Variants in RIMBP2 observed in about 807,000 individuals in gnomAD.
RIMBP2 encodes RIMS-binding protein 2.
A neutral mutation model predicts 118.6 loss-of-function variants in RIMBP2; 48 were observed. The ratio of observed to expected loss-of-function variants is 0.40; its 90% CI spans 0.32 to 0.51. The LOEUF (loss-of-function observed/expected upper bound fraction) is 0.51. RIMBP2 is among the 20% of genes least tolerant of loss of function. The pLI, the probability that RIMBP2 is intolerant of heterozygous loss-of-function variation, is 0.41. For synonymous variants in RIMBP2, 762 were observed against 742.9 expected (o/e 1.03, Z -0.42); for missense variants, 1,551 against 1,768.3 (o/e 0.88, Z 2.20).
At chr12:130,706,621 A>G (rs925781436) in intron 1 of RIMBP2, among the ~76,000 whole-genome samples, 9 of 152,262 alleles carry the variant, frequency 5.9e-5, no homozygotes, top group Non-Finnish European at 1.2e-4. Flanking sequence ...TGCCCAGTGA[A>G]TCTTGGCTGC....
chr12:130,402,751 G>T (rs1328025791), intron 21 of RIMBP2, among the ~76,000 whole-genome samples: 1 of 152,288 alleles, frequency 6.6e-6, no homozygotes, highest in Middle Eastern at 3.4e-3. Flanking sequence ...AGTTTTCTCT[G>T]TGCCCCAGTC....
In RIMBP2 at chr12:130,653,081, A is replaced by C. The variant is rs190416585; in HGVS notation, c.-351-24625T>G. Among the ~76,000 whole-genome samples the C allele has an allele frequency of 2.0e-3, 308 of 152,250 alleles. 2 individuals are homozygous for C. The highest frequency in any genetic ancestry group is 4.8e-3 in the Admixed American group (74 of 15,294). On this transcript the variant is annotated intron_variant, in intron 1 of 22. Transcript: ENST00000690449. Reference sequence around the variant, plus strand: ...GTCCCCCAAATCTCATGTCCTTCTCATATTGCAAAATACAATCATGCCTTC... The same window carrying C: ...GTCCCCCAAATCTCATGTCCTTCTCCTATTGCAAAATACAATCATGCCTTC...
intron 4 of RIMBP2, among the ~76,000 whole-genome samples, chr12:130,494,738 T>A (rs2048982631): frequency 6.6e-6 from 1 of 152,154 alleles, no homozygotes; most frequent in Admixed American, 6.5e-5. Flanking sequence ...GTGTGCTGGT[T>A]ACTCAGGACA....
At chr12:130,638,764 TA>T (rs565601408) in intron 1 of RIMBP2, among the ~76,000 whole-genome samples, 225 of 144,794 alleles carry the variant, frequency 1.6e-3, no homozygotes, top group Admixed American at 1.4e-3. Flanking sequence ...TGGAGATCGT[TA>T]AAAAAAAAAA....
chr12:130,428,060 A>G, intron 15 of RIMBP2, 119 bp downstream of exon 15: 1 of 897,378 alleles, frequency 1.1e-6, no homozygotes, highest in Non-Finnish European at 1.6e-6. Flanking sequence ...TCCAAATCCG[A>G]GGGCTACTGG....
intron 17 of RIMBP2, among the ~76,000 whole-genome samples, chr12:130,416,557 A>G (rs1280321483): frequency 6.6e-6 from 1 of 152,240 alleles, no homozygotes; most frequent in Non-Finnish European, 1.5e-5. Context: ...ACCTTTTACC[A>G]TATACAAACA....
chr12:130,490,519 A>G (rs1475729169), intron 4 of RIMBP2, among the ~76,000 whole-genome samples: 1 of 152,198 alleles, frequency 6.6e-6, no homozygotes, highest in East Asian at 1.9e-4. Context: ...ATGAATCAGC[A>G]GCAGAAGTAT....
rs1275060784 is a variant in RIMBP2 at position 130,436,739 on chromosome 12, AG to A, written c.2106+102del. ...GCTGAGCGCGGCCCCCCTCCCTGCA[AG>A]CTGGGATGCGGGTCCCCCTCCATGG... On this transcript the variant is annotated intron_variant, in intron 13 of 22. Coordinates refer to ENST00000690449, the MANE Select transcript of RIMBP2 (RefSeq NM_001393629.1). 11 of 981,570 alleles carry A rather than the reference AG, an allele frequency of 1.1e-5. No homozygotes were observed. In the African/African-American group the frequency reaches 1.7e-4, roughly 15 times the overall value. 60.8% of individuals were successfully genotyped at this position (981,570 alleles called of 1,614,324 possible).
intron 2 of RIMBP2, among the ~76,000 whole-genome samples, chr12:130,603,150 T>C (rs2059968418): frequency 6.6e-6 from 1 of 152,220 alleles, no homozygotes; most frequent in Non-Finnish European, 1.5e-5. Context: ...TGGCCATCAC[T>C]AGCCATCCAG....
intron 3 of RIMBP2, among the ~76,000 whole-genome samples, chr12:130,517,174 T>TCA (rs1274351790): frequency 6.6e-6 from 1 of 152,046 alleles, no homozygotes; most frequent in African/African-American, 2.4e-5. Context: ...AATGGACCAG[T>TCA]GGGTTATCAG....
At chr12:130,652,393 T>G (rs148069225) in intron 1 of RIMBP2, among the ~76,000 whole-genome samples, 297 of 152,360 alleles carry the variant, frequency 1.9e-3, no homozygotes, top group African/African-American at 6.9e-3. Flanking sequence ...CCAAAAAAGT[T>G]TGCCAACCCT....
intron 1 of RIMBP2, among the ~76,000 whole-genome samples, chr12:130,706,126 G>A (rs2066105651): frequency 1.3e-5 from 2 of 152,180 alleles, no homozygotes; most frequent in Admixed American, 6.5e-5. Context: ...AATAGCTAAT[G>A]TTTGTTGAAC....
In RIMBP2 at chr12:130,662,600, G is replaced by A. The variant is rs889468139; in HGVS notation, c.-351-34144C>T. On this transcript the variant is annotated intron_variant, in intron 1 of 22. Coordinates refer to ENST00000690449, the MANE Select transcript of RIMBP2 (RefSeq NM_001393629.1). ...GAACCCGGAAGGTGGAGGTTGCAGT[G>A]AGCCAAGATCACACCCTTGTACTCC... is the stretch of plus-strand genomic sequence containing the variant. Among the ~76,000 whole-genome samples, 7 of 151,994 alleles carry A rather than the reference G, an allele frequency of 4.6e-5. 1 individual carries two copies. Among genetic ancestry groups the A allele is most frequent in the Admixed American group, 3.3e-4 (5 of 15,266 alleles).
intron 1 of RIMBP2, among the ~76,000 whole-genome samples, chr12:130,675,608 G>C (rs1295913933): frequency 1.3e-5 from 2 of 151,850 alleles, no homozygotes; most frequent in African/African-American, 4.8e-5. Context: ...GGTGTCTAAA[G>C]AGAATCCTAG....
chr12:130,514,363 CCTGCGGGAGCAGGGATGTCAAGCTGCA>C (rs1446483448), intron 3 of RIMBP2, among the ~76,000 whole-genome samples: 18 of 152,258 alleles, frequency 1.2e-4, no homozygotes, highest in Admixed American at 1.3e-4. Context: ...TGGTTTGAAT[CCTGCGGGAGCAGGGATGTCAAGCTGCA>C]CTACCAGCCA....
chr12:130,437,566 A>G (rs1272232482), intron 12 of RIMBP2, among the ~76,000 whole-genome samples: 1 of 152,220 alleles, frequency 6.6e-6, no homozygotes, highest in East Asian at 1.9e-4. Context: ...CTCTGGACCC[A>G]TTCTGAGTAG....
intron 2 of RIMBP2, among the ~76,000 whole-genome samples, chr12:130,570,965 C>A (rs775121191): frequency 2.6e-5 from 4 of 152,112 alleles, no homozygotes; most frequent in Non-Finnish European, 2.9e-5. Flanking sequence ...GCCAGGAACA[C>A]AAAGATGGGG....
At chr12:130,531,911 T>G (rs370147862) in intron 2 of RIMBP2, among the ~76,000 whole-genome samples, 78 of 113,054 alleles carry the variant, frequency 6.9e-4, no homozygotes, top group Admixed American at 2.0e-3. Context: ...CCTCTAGGAG[T>G]TACGTCTAAT....
chr12:130,534,809 T>C (rs2139416288), intron 2 of RIMBP2, among the ~76,000 whole-genome samples: 1 of 152,324 alleles, frequency 6.6e-6, no homozygotes, highest in South Asian at 2.1e-4. Flanking sequence ...CAAAGCAGCC[T>C]GGCTGAAGAT....
Sources: allele counts gnomAD v4.1 joint callset (sites outside exome capture counted in the v4.1 genomes callset), GRCh38; gene constraint gnomAD v4.1.1; transcripts MANE v1.5; gene names NCBI Gene and HGNC (gene_info 2026-07-23, HGNC 2026-07-21).